The following SPATA13 variants were observed in gnomAD, a reference collection of about 807,000 sequenced individuals.
SPATA13 encodes spermatogenesis associated 13, also known as spermatogenesis-associated protein 13.
A neutral mutation model predicts 104.0 loss-of-function variants in SPATA13; 50 were observed. That is an observed-to-expected ratio of 0.48 (90% CI 0.38 to 0.61). The LOEUF is 0.61. Among genes scored for constraint, SPATA13 ranks in the 20% least tolerant of loss-of-function variants. The pLI, the probability that SPATA13 is intolerant of heterozygous loss-of-function variation, is 0.00. For missense variants in SPATA13, 1,524 were observed against 1,690.6 expected (o/e 0.90, Z 1.73); for synonymous variants, 606 against 667.5 (o/e 0.91, Z 1.42).
At chr13:23,995,491 T>C (rs956958767) in intron 2 of SPATA13, among the ~76,000 whole-genome samples, 4 of 152,134 alleles carry the variant, frequency 2.6e-5, no homozygotes, top group Admixed American at 6.6e-5. Context: ...ATAACAGAGG[T>C]CAGGTCTGGC....
chr13:24,263,858 T>C (rs757689118), intron 4 of SPATA13, among the ~76,000 whole-genome samples: 3 of 152,236 alleles, frequency 2.0e-5, no homozygotes, highest in Non-Finnish European at 4.4e-5. Flanking sequence ...CTGCTAAGAC[T>C]GCCTATGGTA....
intron 3 of SPATA13, among the ~76,000 whole-genome samples, chr13:24,138,395 G>A (rs1213503242): frequency 6.6e-6 from 1 of 152,032 alleles, no homozygotes; most frequent in Non-Finnish European, 1.5e-5. Context: ...CTCCAGTAGG[G>A]GTTTAGTGCG....
intron 2 of SPATA13, among the ~76,000 whole-genome samples, chr13:23,988,214 T>C (rs1270900793): frequency 2.0e-5 from 3 of 152,248 alleles, no homozygotes; most frequent in East Asian, 1.9e-4. Context: ...CCTGAAGTGC[T>C]GGGATTACAG....
chr13:24,051,921 C>G lies in SPATA13; in HGVS notation c.-112+34220C>G, dbSNP rs1193410490. ...CTGTTCCTCCTCCTCAGCCCCGGCC[C>G]ACCCCTGCAGCTCCTCACCAGGTTC... On this transcript the variant is annotated intron_variant, in intron 3 of 14. Transcript: ENST00000424834. This position sits in a 1 kb window ranked among gnomAD's most constrained non-coding sequence, Gnocchi z 4.2. Among the ~76,000 whole-genome samples the G allele has an allele frequency of 1.3e-5, 2 of 152,140 alleles. No individual in the cohort carries two copies. The highest frequency in any genetic ancestry group is 6.6e-5 in the Admixed American group (1 of 15,266).
intron 7 of SPATA13, among the ~76,000 whole-genome samples, chr13:24,287,970 C>T (rs1187489290): frequency 2.6e-5 from 4 of 152,176 alleles, no homozygotes; most frequent in East Asian, 1.9e-4. Flanking sequence ...GAGAACTGCC[C>T]GTTCTCTAAT....
At chr13:23,990,071 G>GACAAC (rs1875340656) in intron 2 of SPATA13, among the ~76,000 whole-genome samples, 1 of 152,174 alleles carries the variant, frequency 6.6e-6, no homozygotes, top group Non-Finnish European at 1.5e-5. Flanking sequence ...CTGCCAACCA[G>GACAAC]TTCCACCTAA....
At chr13:24,041,011 C>A (rs1877905598) in intron 3 of SPATA13, among the ~76,000 whole-genome samples, 1 of 152,194 alleles carries the variant, frequency 6.6e-6, no homozygotes, top group African/African-American at 2.4e-5. Context: ...GTTACAGCTG[C>A]ATGTGGACAA....
chr13:24,186,971 G>A (rs115194894), intron 1 of SPATA13, among the ~76,000 whole-genome samples: 113 of 152,302 alleles, frequency 7.4e-4, no homozygotes, highest in African/African-American at 2.7e-3. Context: ...CAGATGTGTA[G>A]GTGTTGATTT....
At chr13:24,195,499 A>G (rs940072720) in intron 1 of SPATA13, among the ~76,000 whole-genome samples, 1 of 152,012 alleles carries the variant, frequency 6.6e-6, no homozygotes, top group Non-Finnish European at 1.5e-5. Flanking sequence ...ATATAACTCT[A>G]TGTTTCATAT....
chr13:24,271,011 A>ACTCTCTCTCACTCTCTCT, intron 4 of SPATA13: 2 of 663,308 alleles, frequency 3.0e-6, no homozygotes, highest in African/African-American at 5.0e-5. Context: ...CTCTCTCTCC[A>ACTCTCTCTCACTCTCTCT]CTCTCTCTCA....
chr13:24,234,205 T>C (rs1454112662), intron 2 of SPATA13, among the ~76,000 whole-genome samples: 1 of 152,242 alleles, frequency 6.6e-6, no homozygotes, highest in Non-Finnish European at 1.5e-5. Context: ...ATGTTAAGCT[T>C]CCTGAAGTTT....
At chr13:24,176,411 T>C (rs4769334) in intron 1 of SPATA13, among the ~76,000 whole-genome samples, 3 of 152,050 alleles carry the variant, frequency 2.0e-5, no homozygotes. Context: ...CATGTAATCT[T>C]TACAGAAAAG....
intron 4 of SPATA13, among the ~76,000 whole-genome samples, chr13:24,269,364 GTATGTATGTGTGTA>G (rs1874446240): frequency 1.1e-4 from 1 of 8,996 alleles, no homozygotes; most frequent in South Asian, 4.8e-3. Flanking sequence ...TAACATGTAT[GTATGTATGTGTGTA>G]TGTATGTATG....
At chr13:24,099,807 A>G (rs2137800516) in intron 3 of SPATA13, among the ~76,000 whole-genome samples, 1 of 152,378 alleles carries the variant, frequency 6.6e-6, no homozygotes, top group East Asian at 1.9e-4. Context: ...CATAAGAAAA[A>G]GAAAGGGATA....
chr13:23,984,627 T>C (rs1875062530), intron 2 of SPATA13, among the ~76,000 whole-genome samples: 1 of 152,214 alleles, frequency 6.6e-6, no homozygotes, highest in Non-Finnish European at 1.5e-5. Context: ...GCAGTATCCC[T>C]GCTGAAGAGC....
At chr13:24,225,358 G>A (rs1173451573) in intron 2 of SPATA13, among the ~76,000 whole-genome samples, 1 of 152,256 alleles carries the variant, frequency 6.6e-6, no homozygotes, top group East Asian at 1.9e-4. Flanking sequence ...CACTGTAGCT[G>A]GCTTCCGCTG....
intron 4 of SPATA13, 130 bp downstream of exon 4, chr13:24,251,992 G>T: frequency 8.7e-7 from 1 of 1,155,536 alleles, no homozygotes; most frequent in Non-Finnish European, 1.2e-6. Context: ...TGGGAGTGAG[G>T]ACGGCTCATC....
chr13:24,217,549 G>A (rs1871323642), intron 1 of SPATA13, among the ~76,000 whole-genome samples: 2 of 152,238 alleles, frequency 1.3e-5, no homozygotes, highest in Non-Finnish European at 2.9e-5. Context: ...CCTCAGAGAG[G>A]TTAGTGGAGA....
intron 3 of SPATA13, among the ~76,000 whole-genome samples, chr13:24,107,980 T>A (rs1880508747): frequency 6.6e-6 from 1 of 152,238 alleles, no homozygotes; most frequent in Non-Finnish European, 1.5e-5. Flanking sequence ...GGGTTATTTA[T>A]AAAGAACGAA....
Sources: gnomAD v4.1 joint callset for allele counts (sites outside exome capture counted in the v4.1 genomes callset) on GRCh38, gnomAD v4.1.1 for gene constraint, Gnocchi (gnomAD v3.1) non-coding constraint, MANE v1.5 for transcripts, NCBI Gene and HGNC (gene_info 2026-07-23, HGNC 2026-07-21) for gene names.